The following MARCHF1 variants were observed in gnomAD, a reference collection of about 807,000 sequenced individuals.
MARCHF1 encodes the protein E3 ubiquitin-protein ligase MARCHF1.
MARCHF1 carries 40 observed loss-of-function variants against 54.2 expected under a neutral mutation model. The ratio of observed to expected loss-of-function variants is 0.74; its 90% CI spans 0.57 to 0.96. The LOEUF is 0.96. Among genes scored for constraint, MARCHF1 ranks in the 40% least tolerant of loss-of-function variants. The probability of loss-of-function intolerance (pLI) is 0.00; values close to 1 mark genes in which losing one functional copy is unlikely to be tolerated. For synonymous variants in MARCHF1, 236 were observed against 236.3 expected (o/e 1.00, Z 0.01); for missense variants, 586 against 656.5 (o/e 0.89, Z 1.17).
chr4:164,321,583 T>G (rs904768378), intron 1 of MARCHF1, among the ~76,000 whole-genome samples: 1 of 151,910 alleles, frequency 6.6e-6, no homozygotes, highest in African/African-American at 2.4e-5. Flanking sequence ...TGAAAGAATT[T>G]AATGGAAAAA....
rs891510707 is a variant in MARCHF1 at position 164,155,142 on chromosome 4, G to C, written c.-322-43480C>G. Among the ~76,000 whole-genome samples, 6 of 152,142 alleles carry C rather than the reference G, an allele frequency of 3.9e-5. No individual in the cohort carries two copies. In the South Asian group the frequency reaches 8.3e-4, roughly 21 times the overall value. On this transcript the variant is annotated intron_variant, in intron 1 of 9. Transcript: ENST00000514618. ...TATATGGGCATAAGATAGGGGGCAT[G>C]GTGGGCCAAAAGGCAACTTTTTGGC...
intron 7 of MARCHF1, among the ~76,000 whole-genome samples, chr4:163,592,490 C>G (rs897731499): frequency 1.3e-5 from 2 of 152,022 alleles, no homozygotes; most frequent in Admixed American, 6.6e-5. Flanking sequence ...TGGAGCTGAT[C>G]CAAGAGTCGC....
At chr4:164,115,806 T>C (rs995138993) in intron 1 of MARCHF1, among the ~76,000 whole-genome samples, 9 of 152,086 alleles carry the variant, frequency 5.9e-5, no homozygotes, top group Admixed American at 1.3e-4. Context: ...ACAATTTTGA[T>C]GGATTCTTAA....
chr4:164,357,730 A>G lies in MARCHF1; in HGVS notation c.-323+26140T>C, dbSNP rs374186216. On this transcript the variant is annotated intron_variant, in intron 1 of 9. Coordinates refer to ENST00000514618, the MANE Select transcript of MARCHF1 (RefSeq NM_001394959.1). The stretch of plus-strand genomic sequence containing the variant: ...TGAAGGCATTGTAAAAATGAATATT[A>G]TTTTACAATGGGTACTGAAGTGTCA... 6.6e-5 allele frequency among the ~76,000 whole-genome samples: 10 copies of G among 152,320 alleles called. No individual in the cohort carries two copies. In the East Asian group the frequency reaches 1.7e-3, roughly 26 times the overall value.
chr4:164,382,106 A>T (rs1488565125), intron 1 of MARCHF1, among the ~76,000 whole-genome samples: 1 of 152,198 alleles, frequency 6.6e-6, no homozygotes, highest in Non-Finnish European at 1.5e-5. Flanking sequence ...CTGACACAGC[A>T]CCTTCTGATA....
At chr4:164,160,556 G>A (rs1463474278) in intron 1 of MARCHF1, among the ~76,000 whole-genome samples, 1 of 152,084 alleles carries the variant, frequency 6.6e-6, no homozygotes, top group South Asian at 2.1e-4. Context: ...TGTGAATACC[G>A]ACGTTATAAA....
chr4:163,998,103 AT>A lies in MARCHF1; in HGVS notation c.-247-9395del, dbSNP rs201751456. ...AAAAAGGTGAGAGGGCATAAAATAA[AT>A]TATAAAATATAATAAAATATTTGAA... On this transcript the variant is annotated intron_variant, in intron 2 of 9. Coordinates refer to ENST00000514618, the MANE Select transcript of MARCHF1 (RefSeq NM_001394959.1). 8.2e-3 allele frequency among the ~76,000 whole-genome samples: 1,248 copies of A among 151,542 alleles called. 58 individuals are homozygous for A. The highest frequency in any genetic ancestry group is 0.073 in the Admixed American group (1,113 of 15,148).
intron 1 of MARCHF1, among the ~76,000 whole-genome samples, chr4:164,295,535 G>T (rs1196671170): frequency 6.6e-6 from 1 of 152,074 alleles, no homozygotes. Flanking sequence ...AGTCATGGAA[G>T]AATTAAATCA....
intron 4 of MARCHF1, among the ~76,000 whole-genome samples, chr4:163,840,142 G>A (rs1749297406): frequency 6.6e-6 from 1 of 152,068 alleles, no homozygotes; most frequent in Non-Finnish European, 1.5e-5. Flanking sequence ...GGAAAAACAT[G>A]ACATCACAAT....
chr4:164,065,547 A>G (rs1197890010), intron 2 of MARCHF1, among the ~76,000 whole-genome samples: 1 of 152,222 alleles, frequency 6.6e-6, no homozygotes, highest in Non-Finnish European at 1.5e-5. Flanking sequence ...TGTATCAGTC[A>G]GGGTTCTCCA....
chr4:163,936,716 A>C (rs1037384292), intron 3 of MARCHF1, among the ~76,000 whole-genome samples: 1 of 152,206 alleles, frequency 6.6e-6, no homozygotes, highest in African/African-American at 2.4e-5. Context: ...GATGTAAACC[A>C]ACTGCAGTTT....
At chr4:164,241,593 T>C (rs967428171) in intron 1 of MARCHF1, among the ~76,000 whole-genome samples, 5 of 152,138 alleles carry the variant, frequency 3.3e-5, no homozygotes, top group African/African-American at 9.7e-5. Context: ...AACAGAGACA[T>C]ATACTATTAT....
At chr4:164,236,454 T>G (rs1002542560) in intron 1 of MARCHF1, among the ~76,000 whole-genome samples, 6 of 152,048 alleles carry the variant, frequency 3.9e-5, no homozygotes, top group Non-Finnish European at 8.8e-5. Context: ...TAGACAGCAC[T>G]TTGGCACTAC....
chr4:164,147,363 C>T (rs1421338290), intron 1 of MARCHF1, among the ~76,000 whole-genome samples: 1 of 148,080 alleles, frequency 6.8e-6, no homozygotes, highest in Admixed American at 6.7e-5. Flanking sequence ...GCTATAAAGA[C>T]ACATGCGCAC....
At chr4:164,329,242 G>C (rs1488650621) in intron 1 of MARCHF1, among the ~76,000 whole-genome samples, 5 of 152,136 alleles carry the variant, frequency 3.3e-5, no homozygotes, top group Non-Finnish European at 7.4e-5. Context: ...TTTTACTTAT[G>C]GAAACTGTGA....
chr4:164,208,525 T>A (rs1411033456), intron 1 of MARCHF1, among the ~76,000 whole-genome samples: 4 of 152,230 alleles, frequency 2.6e-5, no homozygotes, highest in African/African-American at 9.6e-5. Context: ...AAAGAAGTAG[T>A]AATCTTTGCC....
At chr4:164,125,469 A>G (rs145905944) in intron 1 of MARCHF1, among the ~76,000 whole-genome samples, 140 of 152,282 alleles carry the variant, frequency 9.2e-4, no homozygotes, top group African/African-American at 3.1e-3. Context: ...AAGAATGTAA[A>G]ATAGGAAATC....
At chr4:164,379,857 G>C (rs1373994187) in intron 1 of MARCHF1, among the ~76,000 whole-genome samples, 1 of 152,018 alleles carries the variant, frequency 6.6e-6, no homozygotes, top group African/African-American at 2.4e-5. Context: ...TCAGGAGGCT[G>C]AGGGACGAGA....
At chr4:164,083,683 CACA>C (rs1426773598) in intron 2 of MARCHF1, among the ~76,000 whole-genome samples, 1 of 152,080 alleles carries the variant, frequency 6.6e-6, no homozygotes, top group African/African-American at 2.4e-5. Context: ...TCTTTGAAGA[CACA>C]ACAAGCATTA....
Sources: allele counts gnomAD v4.1 joint callset (sites outside exome capture counted in the v4.1 genomes callset), GRCh38; gene constraint gnomAD v4.1.1; transcripts MANE v1.5; gene names NCBI Gene and HGNC (gene_info 2026-07-23, HGNC 2026-07-21).